The following CA8 variants were observed in gnomAD, a reference collection of about 807,000 sequenced individuals.
CA8 encodes the protein carbonic anhydrase 8 (inactive).
A neutral mutation model predicts 41.4 loss-of-function variants in CA8; 22 were observed. The ratio of observed to expected loss-of-function variants is 0.53; its 90% CI spans 0.38 to 0.76. The LOEUF (loss-of-function observed/expected upper bound fraction) is 0.76. Ranked by LOEUF, CA8 falls within the 30% of genes least tolerant of loss-of-function variation. The probability of loss-of-function intolerance (pLI) is 0.00; values close to 1 mark genes in which losing one functional copy is unlikely to be tolerated. For missense variants in CA8, 270 were observed against 352.8 expected (o/e 0.77, Z 1.88); for synonymous variants, 121 against 130.6 (o/e 0.93, Z 0.50).
chr8:60,232,389 T>C lies in CA8; in HGVS notation c.418-10A>G, dbSNP rs757751935. ...AGTGGATCAGATGGAGCTGAGTGAG[T>C]GGCAACAGACAGACCACATCATTTA... On this transcript the variant is annotated splice_polypyrimidine_tract_variant and intron_variant, in intron 3 of 8. Transcript: ENST00000317995. 1 of 1,582,744 alleles carries C rather than the reference T, an allele frequency of 6.3e-7. No homozygotes were observed. Among genetic ancestry groups the C allele is most frequent in the African/African-American group, 1.3e-5 (1 of 74,174 alleles).
intron 5 of CA8, 81 bp from the exon 6 acceptor site, chr8:60,224,666 A>G: frequency 1.1e-6 from 1 of 895,712 alleles, no homozygotes; most frequent in Non-Finnish European, 1.8e-6. Context: ...GAACTAAAAA[A>G]TTAGAATGAA....
chr8:60,279,580 TAG>T lies in CA8; in HGVS notation c.292+107_292+108del. On this transcript the variant is annotated intron_variant, in intron 2 of 8. Coordinates refer to ENST00000317995, the MANE Select transcript of CA8 (RefSeq NM_004056.6). ...TTATAATACAAAGGTATCCTGAAAA[TAG>T]AGATACGTCAGTTGTACTTTTTAAA... The T allele has an allele frequency of 8.5e-6, 8 of 937,418 alleles. No homozygotes were observed. In the South Asian group the frequency reaches 1.1e-4, roughly 13 times the overall value. 58.1% of individuals were successfully genotyped at this position (937,418 alleles called of 1,614,324 possible).
chr8:60,280,644 G>A (rs1804382971), intron 1 of CA8, among the ~76,000 whole-genome samples: 1 of 152,216 alleles, frequency 6.6e-6, no homozygotes, highest in Non-Finnish European at 1.5e-5. Flanking sequence ...TCTCCCCAAA[G>A]TCTCCAAGCC....
chr8:60,221,002 G>T (rs934415247), intron 7 of CA8, among the ~76,000 whole-genome samples: 6 of 152,172 alleles, frequency 3.9e-5, no homozygotes, highest in South Asian at 4.1e-4. Flanking sequence ...CTGCGAATCA[G>T]AAACACACAT....
At chr8:60,221,911 T>C (rs1470239686) in intron 7 of CA8, among the ~76,000 whole-genome samples, 1 of 152,224 alleles carries the variant, frequency 6.6e-6, no homozygotes, top group Non-Finnish European at 1.5e-5. Flanking sequence ...ACTGGTTTGC[T>C]GAGAGTATTT....
At chr8:60,271,580 A>G (rs1804075538) in intron 2 of CA8, among the ~76,000 whole-genome samples, 1 of 152,198 alleles carries the variant, frequency 6.6e-6, no homozygotes, top group Admixed American at 6.5e-5. Flanking sequence ...AGTATTGAGA[A>G]TTACAAGAGA....
chr8:60,247,757 T>C (rs1808300481), intron 3 of CA8, among the ~76,000 whole-genome samples: 2 of 152,228 alleles, frequency 1.3e-5, no homozygotes, highest in Admixed American at 6.5e-5. Context: ...TTATATTCCT[T>C]TAGGTATATA....
chr8:60,222,681 A>G lies in CA8; in HGVS notation c.706T>C (p.Phe236Leu). 1.2e-6 allele frequency: 2 copies of G among 1,612,242 alleles called. No homozygotes were observed. The highest frequency in any genetic ancestry group is 1.3e-5 in the African/African-American group (1 of 75,034). ...TGGGATATAGTTAAAGGGTATCGGA[A>G]TAATATCCAGGTGACACCTTCACTG... ...PCSEGVTWIL[F>L]RYPLTISQLQ... is the part of the protein sequence containing the mutation. The change falls in exon 7 of 9, where the codon TTC becomes CTC. Residue 236 changes from phenylalanine (F) to leucine (L), a missense_variant. Phe to Leu is a conservative substitution (Grantham distance 22, BLOSUM62 0). Transcript: ENST00000317995.
intron 8 of CA8, among the ~76,000 whole-genome samples, chr8:60,191,370 G>T (rs1177001643): frequency 1.3e-5 from 2 of 151,982 alleles, no homozygotes; most frequent in African/African-American, 4.8e-5. Context: ...AGTTAATGGG[G>T]CCTAAAGGTC....
chr8:60,218,969 A>G (rs1176754085), intron 7 of CA8, among the ~76,000 whole-genome samples: 1 of 151,672 alleles, frequency 6.6e-6, no homozygotes, highest in African/African-American at 2.4e-5. Flanking sequence ...AGGGACCTGG[A>G]GCAACTAGAT....
At chr8:60,222,794 G>T in intron 6 of CA8, 33 bp from the exon 7 acceptor site, 2 of 1,312,230 alleles carry the variant, frequency 1.5e-6, no homozygotes, top group Non-Finnish European at 2.2e-6. Context: ...AATGGAAAAG[G>T]CAAGTGAATT....
intron 3 of CA8, among the ~76,000 whole-genome samples, chr8:60,246,068 C>T (rs538850094): frequency 7.9e-5 from 12 of 152,152 alleles, no homozygotes; most frequent in Non-Finnish European, 1.6e-4. Flanking sequence ...AACCGTGAAC[C>T]TCTTTCTCCA....
At chr8:60,199,422 T>C (rs1806363365) in intron 8 of CA8, among the ~76,000 whole-genome samples, 1 of 152,162 alleles carries the variant, frequency 6.6e-6, no homozygotes, top group Non-Finnish European at 1.5e-5. Context: ...TCTGAAAATA[T>C]GTTCTCTGGA....
chr8:60,258,993 C>T (rs760274234), intron 3 of CA8, among the ~76,000 whole-genome samples: 1 of 152,168 alleles, frequency 6.6e-6, no homozygotes, highest in Non-Finnish European at 1.5e-5. Flanking sequence ...GGAGAAAAAT[C>T]ACAAATTGCA....
At chr8:60,262,381 C>T (rs570973128) in intron 3 of CA8, among the ~76,000 whole-genome samples, 2 of 148,156 alleles carry the variant, frequency 1.3e-5, no homozygotes, top group South Asian at 4.3e-4. Context: ...TTAGACTTCA[C>T]AAGCTAAGAC....
chr8:60,194,574 CA>C (rs1199641293), intron 8 of CA8, among the ~76,000 whole-genome samples: 2 of 152,160 alleles, frequency 1.3e-5, no homozygotes, highest in Non-Finnish European at 2.9e-5. Context: ...CTCCAGAAGA[CA>C]AGTATCTCCA....
chr8:60,199,983 C>G (rs1197384590), intron 8 of CA8, among the ~76,000 whole-genome samples: 1 of 152,200 alleles, frequency 6.6e-6, no homozygotes, highest in Non-Finnish European at 1.5e-5. Flanking sequence ...ATGGTTTCTT[C>G]TCTAACCAGA....
Position 60,187,099 on chromosome 8 carries a change from G to A in CA8, c.*2922C>T, listed in dbSNP as rs61452288. The stretch of plus-strand genomic sequence containing the variant: ...TATGCTAAGCCAGAAAGCAAACCTC[G>A]ATAAATTTAAGACTGAGATCATATA... On this transcript the variant is annotated 3_prime_UTR_variant, in exon 9 of 9. Coordinates refer to ENST00000317995, the MANE Select transcript of CA8 (RefSeq NM_004056.6). 0.29 allele frequency among the ~76,000 whole-genome samples: 43,355 copies of A among 151,686 alleles called. 6,436 individuals carry two copies. The highest frequency in any genetic ancestry group is 0.4 in the Middle Eastern group (118 of 292).
At chr8:60,243,675 G>A (rs567868948) in intron 3 of CA8, among the ~76,000 whole-genome samples, 2 of 152,142 alleles carry the variant, frequency 1.3e-5, no homozygotes, top group Admixed American at 6.5e-5. Context: ...ACTAAATCAC[G>A]TTTTCGCCTG....
Sources: allele counts gnomAD v4.1 joint callset (sites outside exome capture counted in the v4.1 genomes callset), GRCh38; gene constraint gnomAD v4.1.1; transcripts MANE v1.5; gene names NCBI Gene and HGNC (gene_info 2026-07-23, HGNC 2026-07-21).